Variants in ABCA2 observed in about 807,000 individuals in gnomAD.
The protein encoded by ABCA2 is ATP binding cassette subfamily A member 2.
Under a neutral mutation model 262.8 loss-of-function variants are expected in ABCA2, and 84 were observed. That is an observed-to-expected ratio of 0.32 (90% CI 0.27 to 0.38). The LOEUF is 0.38. Among genes scored for constraint, ABCA2 ranks in the 10% least tolerant of loss-of-function variants. The probability of loss-of-function intolerance (pLI) is 1.00; values close to 1 mark genes in which losing one functional copy is unlikely to be tolerated. For missense variants in ABCA2, 2,662 were observed against 3,405.9 expected (o/e 0.78, Z 5.44); for synonymous variants, 1,696 against 1,502.9 (o/e 1.13, Z -2.97).
chr9:137,023,754 G>C, intron 3 of ABCA2, 84 bp downstream of exon 3: 1 of 718,658 alleles, frequency 1.4e-6, no homozygotes, highest in Non-Finnish European at 2.6e-6. Context: ...AATGCAAGCG[G>C]GGAGGGCGCT....
At position 137,011,259 on chromosome 9, in the gene ABCA2, G is replaced by A. The variant is rs747590457; in HGVS notation, c.5850C>T (p.Pro1950=). ...TGAGCCCGTGGCCCAGGTTGTAGTT[G>A]GGGAAAATGAGGAAGCAGCTTTTCA... ...SYLKSCFLIF[P]NYNLGHGLME... Residue 1950 remains proline (P), a synonymous_variant, in exon 38 of 49, where the codon CCC becomes CCT. Transcript: ENST00000341511. This position sits in a 1 kb window ranked among gnomAD's most constrained non-coding sequence, Gnocchi z 8.8. 6.2e-6 allele frequency: 10 copies of A among 1,612,446 alleles called. No individual in the cohort carries two copies. Among genetic ancestry groups the A allele is most frequent in the Admixed American group, 1.7e-5 (1 of 59,992 alleles).
At position 137,022,342 on chromosome 9, in the gene ABCA2, C is replaced by A; in HGVS notation, c.567+9G>T. ...GAGTGGCCAGGGCTGGGAGCTGTCCCTGCCTTACCTCGGGCGGGTCCACAC... is the reference window on the plus strand; with the variant it reads ...GAGTGGCCAGGGCTGGGAGCTGTCCATGCCTTACCTCGGGCGGGTCCACAC... On this transcript the variant is annotated intron_variant, in intron 6 of 48. Transcript: ENST00000341511. 6.3e-7 allele frequency: 1 copy of A among 1,596,294 alleles called. No individual in the cohort carries two copies.
At position 137,012,590 on chromosome 9, in the gene ABCA2, C is replaced by T. The variant is rs1831098943; in HGVS notation, c.5082G>A (p.Arg1694=). The T allele has an allele frequency of 1.2e-6, 2 of 1,611,698 alleles. No homozygotes were observed. Among genetic ancestry groups the T allele is most frequent in the Non-Finnish European group, 8.5e-7 (1 of 1,179,882 alleles). The change falls in exon 32 of 49, where the codon CGG becomes CGA. Residue 1694 remains arginine, a splice_region_variant and synonymous_variant. Transcript: ENST00000341511. ...LFTSDRFRLH[R]YGAITFGNVL... ...CGTTTCCAAAGGTGATGGCCCCATA[C>T]CTGGGCAGGCAGGTGGGAGGGGCGG...
In ABCA2 at chr9:137,019,008, C is replaced by CG; in HGVS notation, c.1616dup (p.Ala540GlyfsTer23). On this transcript the variant is annotated frameshift_variant, in exon 12 of 49. Transcript: ENST00000341511. LOFTEE classifies it high-confidence loss of function. The surrounding 1 kb of genome is among the most constrained non-coding windows in gnomAD (Gnocchi z 4.4). ...GCGAGAAGTTGTCCTGTCTCAGGGC[C>CG]GGCGGCAGCTCATCCAGTGACAGGT... The CG allele has an allele frequency of 6.2e-7, 1 of 1,612,870 alleles. No homozygotes were observed. Among genetic ancestry groups the CG allele is most frequent in the Non-Finnish European group, 8.5e-7 (1 of 1,179,838 alleles).
chr9:137,023,761 C>G, intron 3 of ABCA2, 77 bp downstream of exon 3: 1 of 719,370 alleles, frequency 1.4e-6, no homozygotes, highest in East Asian at 2.6e-5. Flanking sequence ...GCGGGGAGGG[C>G]GCTCAAGCCA....
intron 1 of ABCA2, chr9:137,027,753 G>A (rs900027525): frequency 6.6e-6 from 1 of 152,304 alleles, no homozygotes; most frequent in Admixed American, 6.5e-5. Context: ...CCTCGAGCCA[G>A]AGTCCTGAGC....
In ABCA2 at chr9:137,013,066, C is replaced by T. The variant is rs369658266; in HGVS notation, c.4803G>A (p.Ser1601=). Reference sequence around the variant, plus strand: ...GCAGGTCCTCATCCGGGGACGCTGGCGAGTCAGATGGGGCGGGCGAGGGTG... The same window carrying T: ...GCAGGTCCTCATCCGGGGACGCTGGTGAGTCAGATGGGGCGGGCGAGGGTG... ...PPPPSPAPSD[S]PASPDEDLQA... Residue 1601 remains serine (S), a synonymous_variant, in exon 30 of 49, where the codon TCG becomes TCA. Transcript: ENST00000341511. 53 of 1,550,738 alleles carry T rather than the reference C, an allele frequency of 3.4e-5. No individual in the cohort carries two copies. Among genetic ancestry groups the T allele is most frequent in the Non-Finnish European group, 4.3e-5 (49 of 1,150,044 alleles).
In ABCA2 at chr9:137,013,264, C is replaced by T; in HGVS notation, c.4605G>A (p.Leu1535=). 1 of 1,591,604 alleles carries T rather than the reference C, an allele frequency of 6.3e-7. No homozygotes were observed. Among genetic ancestry groups the T allele is most frequent in the Non-Finnish European group, 8.5e-7 (1 of 1,174,244 alleles). The stretch of plus-strand genomic sequence containing the variant: ...CGCAGGTGGCACCCACCCCCGACGG[C>T]AGCCGGAACGTGCTCACGAGCTGCT... ...SPQQLVSTFR[L]PSGVGATCVL... Residue 1535 remains leucine, a synonymous_variant, in exon 30 of 49, where the codon CTG becomes CTA. Coordinates refer to ENST00000341511, the MANE Select transcript of ABCA2 (RefSeq NM_001606.5).
Position 137,009,005 on chromosome 9 carries a change from A to C in ABCA2, c.6876T>G (p.Ser2292Arg). ...TGAAGAACCGCACCACGTCCTTCAC[A>C]CTCTGGCTGCTCTTGGTCCGCACCG... The part of the protein sequence containing the change: ...MITVRTKSSQ[S>R]VKDVVRFFNR... The change falls in exon 46 of 49, where the codon AGT becomes AGG. Residue 2292 changes from serine (S) to arginine (R), a missense_variant. Transcript: ENST00000341511. 6.2e-7 allele frequency: 1 copy of C among 1,601,468 alleles called. No homozygotes were observed. The highest frequency in any genetic ancestry group is 8.5e-7 in the Non-Finnish European group (1 of 1,178,530).
In ABCA2 at chr9:137,008,347, G is replaced by A. The variant is rs749463709; in HGVS notation, c.7275+69C>T. The stretch of plus-strand genomic sequence containing the variant: ...CAGTTCTCCCCCGACCCCACCCGCG[G>A]CTGGAGCCACCAGGCAGCCTGGGTC... On this transcript the variant is annotated intron_variant, in intron 48 of 48. Transcript: ENST00000341511. 7 of 1,527,028 alleles carry A rather than the reference G, an allele frequency of 4.6e-6. No homozygotes were observed. In the South Asian group the frequency reaches 8.4e-5, roughly 18 times the overall value. The allele number at this position is 1,527,028 out of a possible 1,614,324, so 94.6% of individuals were successfully genotyped here.
At chr9:137,022,673 G>GC (rs756750110) in intron 5 of ABCA2, 29 bp downstream of exon 5, 2 of 1,596,158 alleles carry the variant, frequency 1.3e-6, no homozygotes, top group Non-Finnish European at 8.5e-7. Context: ...CCGCAGCCCT[G>GC]CCCCCCAACT....
chr9:137,009,348 C>A, intron 45 of ABCA2, 22 bp downstream of exon 45: 1 of 1,560,634 alleles, frequency 6.4e-7, no homozygotes, highest in South Asian at 1.2e-5. Context: ...CCCAGCCCAC[C>A]CCTGGCCCTG....
rs1831462362 is a variant in ABCA2 at position 137,021,789 on chromosome 9, G to A, written c.678+102C>T. 2 of 1,292,992 alleles carry A rather than the reference G, an allele frequency of 1.5e-6. No individual in the cohort carries two copies. The highest frequency in any genetic ancestry group is 1.1e-6 in the Non-Finnish European group (1 of 919,950). 80.1% of individuals were successfully genotyped at this position (1,292,992 alleles called of 1,614,324 possible). A position where few individuals can be genotyped will look rare whatever the true frequency, so the allele number is the denominator to read the frequency against. On this transcript the variant is annotated intron_variant, in intron 7 of 48. Transcript: ENST00000341511. This position sits in a 1 kb window ranked among gnomAD's most constrained non-coding sequence, Gnocchi z 6.0. ...TGGGACCCTCCCCCTCTCCCAGGAG[G>A]AGCTCCAAGTCACCAAAGGGGCCCT...
rs781588610 is a variant in ABCA2 at position 137,008,636 on chromosome 9, C to T, written c.7069-14G>A. ...GTTCACGAACACCTGGTGGGTGGCG[C>T]AGGCGTGTGGGGAGGGGGCTGGTCT... On this transcript the variant is annotated splice_polypyrimidine_tract_variant and intron_variant, in intron 47 of 48. Coordinates refer to ENST00000341511, the MANE Select transcript of ABCA2 (RefSeq NM_001606.5). 6.3e-7 allele frequency: 1 copy of T among 1,583,860 alleles called. No homozygotes were observed. The highest frequency in any genetic ancestry group is 8.6e-7 in the Non-Finnish European group (1 of 1,168,834).
At chr9:137,020,562 T>C in intron 9 of ABCA2, 67 bp from the exon 10 acceptor site, 1 of 1,543,954 alleles carries the variant, frequency 6.5e-7, no homozygotes, top group Non-Finnish European at 8.7e-7. Flanking sequence ...GGGAGGGGCA[T>C]CGGGATGGGG....
intron 13 of ABCA2, 113 bp downstream of exon 13, chr9:137,018,606 G>A: frequency 2.3e-6 from 2 of 887,576 alleles, no homozygotes; most frequent in East Asian, 5.5e-5. Context: ...GCGGGTGAGG[G>A]GGGAAGGCCA....
Position 137,008,457 on chromosome 9 carries a change from C to T in ABCA2, c.7234G>A (p.Asp2412Asn). 5 of 1,559,500 alleles carry T rather than the reference C, an allele frequency of 3.2e-6. No homozygotes were observed. The highest frequency in any genetic ancestry group is 4.3e-6 in the Non-Finnish European group (5 of 1,152,310). Residue 2412 changes from aspartate to asparagine, a missense_variant, in exon 48 of 49, where the codon GAC becomes AAC. Physicochemically the swap from Asp to Asn is conservative, Grantham distance 23. Coordinates refer to ENST00000341511, the MANE Select transcript of ABCA2 (RefSeq NM_001606.5). ...CTGATGAGGCCCTCGTCCTCCGTGT[C>T]CAGGTCCTCGGGCTCGTCTGCCACA... is the stretch of plus-strand genomic sequence containing the variant. ...ALVADEPEDL[D>N]TEDEGLISFE...
In ABCA2 at chr9:137,017,485, C is replaced by A. The variant is rs141024304; in HGVS notation, c.2402+17G>T. The A allele has an allele frequency of 5.6e-6, 9 of 1,602,000 alleles. No homozygotes were observed. In the East Asian group the frequency reaches 1.8e-4, roughly 32 times the overall value. The stretch of plus-strand genomic sequence containing the variant: ...AAGTGCCTGCCCCAGGTCCCTCCTA[C>A]CATGGCCCGCGCTCACCAGAACATG... On this transcript the variant is annotated intron_variant, in intron 17 of 48. Transcript: ENST00000341511.
Position 137,014,687 on chromosome 9 carries a change from C to T in ABCA2, c.4003+3G>A. The T allele has an allele frequency of 6.2e-7, 1 of 1,605,250 alleles. No individual in the cohort carries two copies. The highest frequency in any genetic ancestry group is 8.5e-7 in the Non-Finnish European group (1 of 1,177,236). On this transcript the variant is annotated splice_donor_region_variant and intron_variant, in intron 26 of 48. Coordinates refer to ENST00000341511, the MANE Select transcript of ABCA2 (RefSeq NM_001606.5). ...GGCTGAGCAAGTGGTCCAGGCCCCT[C>T]ACCGGCCTCACTGTTCTCCAGCGAC...
Sources: allele counts gnomAD v4.1 joint callset, GRCh38; gene constraint gnomAD v4.1.1; non-coding constraint Gnocchi (gnomAD v3.1); transcripts MANE v1.5; gene names NCBI Gene and HGNC (gene_info 2026-07-23, HGNC 2026-07-21).